The following DNAH11 variants were observed in gnomAD, a reference collection of about 807,000 sequenced individuals.
DNAH11 encodes dynein axonemal heavy chain 11.
Under a neutral mutation model 526.0 loss-of-function variants are expected in DNAH11, and 442 were observed. The observed-to-expected ratio is 0.84, with a 90% confidence interval of 0.78 to 0.91. DNAH11 has a LOEUF of 0.91. Among genes scored for constraint, DNAH11 ranks in the 40% least tolerant of loss-of-function variants. The pLI, the probability that DNAH11 is intolerant of heterozygous loss-of-function variation, is 0.00. For missense variants in DNAH11, 6,989 were observed against 5,448.7 expected (o/e 1.28, Z -8.90); for synonymous variants, 2,461 against 1,935.9 (o/e 1.27, Z -7.12).
Position 21,816,554 on chromosome 7 carries a change from C to A in DNAH11, c.10420C>A (p.Pro3474Thr). The A allele has an allele frequency of 6.2e-7, 1 of 1,613,074 alleles. No homozygotes were observed. Among genetic ancestry groups the A allele is most frequent in the South Asian group, 1.1e-5 (1 of 90,764 alleles). ...TGCCGCCTGGAATAACGAAGGACTG[C>A]CCAGTGACAGAATGTCCACCGAAAA... ...TIAAWNNEGL[P>T]SDRMSTENAA... The change falls in exon 64 of 82, where the codon CCC becomes ACC. Residue 3474 changes from proline (P) to threonine (T), a missense_variant. Physicochemically the swap from Pro to Thr is conservative, Grantham distance 38. Coordinates refer to ENST00000409508, the MANE Select transcript of DNAH11 (RefSeq NM_001277115.2).
chr7:21,682,737 G>A (rs1272128530), intron 31 of DNAH11, among the ~76,000 whole-genome samples: 1 of 152,018 alleles, frequency 6.6e-6, no homozygotes, highest in East Asian at 1.9e-4. Context: ...ATTGTGAAGT[G>A]TTTCTGTGTT....
chr7:21,715,816 G>A (rs1413702701), intron 42 of DNAH11, among the ~76,000 whole-genome samples: 1 of 151,364 alleles, frequency 6.6e-6, no homozygotes, highest in South Asian at 2.1e-4. Flanking sequence ...CCTATGCTAT[G>A]TGGTGTGATT....
intron 69 of DNAH11, among the ~76,000 whole-genome samples, chr7:21,864,037 T>C (rs1243610447): frequency 1.3e-5 from 2 of 152,234 alleles, no homozygotes; most frequent in African/African-American, 4.8e-5. Flanking sequence ...ACAATGTGTT[T>C]AGTTATACCT....
intron 47 of DNAH11, 69 bp from the exon 48 acceptor site, chr7:21,739,502 G>C: frequency 8.5e-7 from 1 of 1,170,884 alleles, no homozygotes; most frequent in East Asian, 2.4e-5. Flanking sequence ...AGACCTTTAT[G>C]AACTGTTAGA....
intron 28 of DNAH11, among the ~76,000 whole-genome samples, chr7:21,647,967 A>T (rs1409009673): frequency 6.6e-6 from 1 of 152,222 alleles, no homozygotes; most frequent in Non-Finnish European, 1.5e-5. Context: ...ATACCAAAAA[A>T]TTATGAACAC....
intron 30 of DNAH11, among the ~76,000 whole-genome samples, chr7:21,675,228 G>A (rs1333679657): frequency 2.0e-5 from 3 of 152,184 alleles, no homozygotes; most frequent in African/African-American, 4.8e-5. Flanking sequence ...TTGGGCACTT[G>A]CCTTCCTCTG....
At chr7:21,811,084 G>T (rs1789494070) in intron 63 of DNAH11, among the ~76,000 whole-genome samples, 1 of 152,208 alleles carries the variant, frequency 6.6e-6, no homozygotes, top group Non-Finnish European at 1.5e-5. Context: ...ATACACAACA[G>T]AATGTTATTC....
chr7:21,763,484 A>G (rs548045460), intron 54 of DNAH11, among the ~76,000 whole-genome samples: 1 of 152,192 alleles, frequency 6.6e-6, no homozygotes, highest in South Asian at 2.1e-4. Flanking sequence ...GTCATTATTT[A>G]AAAAAGCAAA....
chr7:21,767,288 T>C (rs1787222521), intron 55 of DNAH11, among the ~76,000 whole-genome samples: 1 of 152,192 alleles, frequency 6.6e-6, no homozygotes, highest in African/African-American at 2.4e-5. Flanking sequence ...TTTCTGCATG[T>C]TACTTTGTCA....
chr7:21,727,024 C>G lies in DNAH11; in HGVS notation c.7440+1040C>G, dbSNP rs1785148623. 6.8e-5 allele frequency among the ~76,000 whole-genome samples: 9 copies of G among 131,530 alleles called. 1 individual carries two copies. The Admixed American group carries it at 7.5e-4, about 11-fold the overall frequency. The allele number at this position is 131,530 out of a possible 152,430, so 86.3% of individuals were successfully genotyped here. ...TCTCGGCTCACCGCAAGATCCACCT[C>G]CGGGGTTCAAGTGACTCTCCTGCCT... On this transcript the variant is annotated intron_variant, in intron 45 of 81. Transcript: ENST00000409508.
At position 21,659,042 on chromosome 7, in the gene DNAH11, G is replaced by T; in HGVS notation, c.5328+11G>T. ...TTCCATAAAAAACAGGTATTACATA[G>T]ATTTGTGATTTTGAGACATAAAGGA... On this transcript the variant is annotated intron_variant, in intron 30 of 81. Coordinates refer to ENST00000409508, the MANE Select transcript of DNAH11 (RefSeq NM_001277115.2). The T allele has an allele frequency of 1.3e-6, 2 of 1,550,462 alleles. No individual in the cohort carries two copies. Among genetic ancestry groups the T allele is most frequent in the East Asian group, 2.3e-5 (1 of 42,642 alleles).
In DNAH11 at chr7:21,588,566, A is replaced by T. The variant is rs776349734; in HGVS notation, c.1903A>T (p.Met635Leu). Reference sequence around the variant, plus strand: ...GAACATGCCATTTACCTCAGGAAATATGAAATGGGCCCAGCAGGTTCTCCA... The same window carrying T: ...GAACATGCCATTTACCTCAGGAAATTTGAAATGGGCCCAGCAGGTTCTCCA... ...NKNMPFTSGN[M>L]KWAQQVLQRL... Residue 635 changes from methionine to leucine, a missense_variant, in exon 11 of 82, where the codon ATG (methionine) becomes TTG (leucine). Transcript: ENST00000409508. 3 of 1,613,578 alleles carry T rather than the reference A, an allele frequency of 1.9e-6. No individual in the cohort carries two copies. The highest frequency in any genetic ancestry group is 2.2e-5 in the South Asian group (2 of 91,084).
Position 21,901,441 on chromosome 7 carries a change from G to A in DNAH11, c.*187G>A, listed in dbSNP as rs796890968. 3 of 768,850 alleles carry A rather than the reference G, an allele frequency of 3.9e-6. No homozygotes were observed. The African/African-American group carries it at 5.4e-5, about 14-fold the overall frequency. 47.6% of individuals were successfully genotyped at this position (768,850 alleles called of 1,614,324 possible). On this transcript the variant is annotated 3_prime_UTR_variant, in exon 82 of 82. Coordinates refer to ENST00000409508, the MANE Select transcript of DNAH11 (RefSeq NM_001277115.2). ...AAACTAACTCAGGGCTGAGCGTGGT[G>A]GCACACGACTGTAATCCCAGTTACT...
At chr7:21,896,856 C>T (rs535007715) in intron 79 of DNAH11, among the ~76,000 whole-genome samples, 9 of 152,090 alleles carry the variant, frequency 5.9e-5, no homozygotes, top group Admixed American at 2.6e-4. Flanking sequence ...CCCAGGAGTT[C>T]GAAGCCAGCC....
At chr7:21,655,073 C>G (rs1018663664) in intron 28 of DNAH11, among the ~76,000 whole-genome samples, 2 of 150,666 alleles carry the variant, frequency 1.3e-5, no homozygotes, top group South Asian at 2.2e-4. Flanking sequence ...GTTTTCCCCC[C>G]CCACCCCCAA....
intron 37 of DNAH11, 140 bp downstream of exon 37, chr7:21,702,942 G>T (rs1345169344): frequency 4.2e-6 from 3 of 715,700 alleles, no homozygotes; most frequent in East Asian, 2.9e-5. Flanking sequence ...GGAAATTTGA[G>T]GATTGGCGTT....
At chr7:21,835,250 G>A (rs546099867) in intron 65 of DNAH11, among the ~76,000 whole-genome samples, 15 of 147,740 alleles carry the variant, frequency 1.0e-4, no homozygotes, top group Admixed American at 9.4e-4. Context: ...AACAGAGGGA[G>A]TTCTTCCAAA....
In DNAH11 at chr7:21,547,815, T is replaced by C. The variant is rs1782861118; in HGVS notation, c.495+2666T>C. Reference sequence around the variant, plus strand: ...CCTCTTTTCTATTTACTTTCTTTGGTTTTATTTTTATCTAAACCCTTTTGG... The same window carrying C: ...CCTCTTTTCTATTTACTTTCTTTGGCTTTATTTTTATCTAAACCCTTTTGG... On this transcript the variant is annotated intron_variant, in intron 2 of 81. Coordinates refer to ENST00000409508, the MANE Select transcript of DNAH11 (RefSeq NM_001277115.2). Among the ~76,000 whole-genome samples the C allele has an allele frequency of 4.6e-5, 7 of 152,324 alleles. No homozygotes were observed. In the South Asian group the frequency reaches 1.4e-3, roughly 32 times the overall value.
At chr7:21,684,938 A>G (rs1218683985) in intron 32 of DNAH11, among the ~76,000 whole-genome samples, 1 of 152,240 alleles carries the variant, frequency 6.6e-6, no homozygotes, top group Non-Finnish European at 1.5e-5. Context: ...TGCATGCCCA[A>G]TTATCCACTA....
Sources: allele counts gnomAD v4.1 joint callset (sites outside exome capture counted in the v4.1 genomes callset), GRCh38; gene constraint gnomAD v4.1.1; transcripts MANE v1.5; gene names NCBI Gene and HGNC (gene_info 2026-07-23, HGNC 2026-07-21).